The following XPR1 variants were observed in gnomAD, a reference collection of about 807,000 sequenced individuals.
The protein encoded by XPR1 is solute carrier family 53 member 1.
Under a neutral mutation model 87.5 loss-of-function variants are expected in XPR1, and 28 were observed. The ratio of observed to expected loss-of-function variants is 0.32; its 90% CI spans 0.24 to 0.44. XPR1 has a LOEUF of 0.44. Ranked by LOEUF, XPR1 falls within the 20% of genes least tolerant of loss-of-function variation. XPR1 has a pLI of 1.00. For synonymous variants in XPR1, 300 were observed against 306.1 expected (o/e 0.98, Z 0.21); for missense variants, 559 against 862.3 (o/e 0.65, Z 4.41).
intron 2 of XPR1, among the ~76,000 whole-genome samples, chr1:180,745,229 T>TC (rs1659053137): frequency 6.6e-6 from 1 of 152,160 alleles, no homozygotes. Flanking sequence ...CCTTTTCTGT[T>TC]CTCTGGTCAG....
intron 8 of XPR1, 29 bp from the exon 9 acceptor site, chr1:180,825,136 A>G (rs1382351113): frequency 6.4e-7 from 1 of 1,565,054 alleles, no homozygotes; most frequent in Non-Finnish European, 8.6e-7. Flanking sequence ...ATTTTTCTCT[A>G]TCTTTCTGTC....
intron 2 of XPR1, among the ~76,000 whole-genome samples, chr1:180,687,046 C>G (rs988252165): frequency 1.3e-5 from 2 of 152,012 alleles, no homozygotes; most frequent in African/African-American, 4.8e-5. Flanking sequence ...GTTGGGTTAT[C>G]TTTTATTTTA....
chr1:180,796,353 A>G (rs893025485), intron 3 of XPR1, among the ~76,000 whole-genome samples: 5 of 152,182 alleles, frequency 3.3e-5, no homozygotes, highest in Admixed American at 6.5e-5. Context: ...ATCTCATACC[A>G]TAGCTGTAGT....
At chr1:180,657,436 A>G (rs565205444) in intron 1 of XPR1, among the ~76,000 whole-genome samples, 63 of 151,932 alleles carry the variant, frequency 4.1e-4, no homozygotes, top group African/African-American at 1.4e-3. Context: ...TTTAGATTTA[A>G]GCCTTTAATC....
chr1:180,858,292 T>A (rs1652101647), intron 11 of XPR1, among the ~76,000 whole-genome samples: 1 of 152,150 alleles, frequency 6.6e-6, no homozygotes, highest in Non-Finnish European at 1.5e-5. Flanking sequence ...TAATAACAAT[T>A]ATTTTCCTCA....
At chr1:180,699,356 C>A (rs551607330) in intron 2 of XPR1, among the ~76,000 whole-genome samples, 1 of 107,268 alleles carries the variant, frequency 9.3e-6, no homozygotes, top group African/African-American at 3.6e-5. Context: ...CAATGCTATC[C>A]CTCCCCCCTC....
At chr1:180,635,735 C>T (rs367570645) in intron 1 of XPR1, among the ~76,000 whole-genome samples, 4 of 152,014 alleles carry the variant, frequency 2.6e-5, no homozygotes, top group African/African-American at 4.8e-5. Flanking sequence ...ATTGAGAGTC[C>T]GGTCACACTG....
At position 180,825,435 on chromosome 1, in the gene XPR1, C is replaced by T; in HGVS notation, c.1134+91C>T. 3 of 1,305,508 alleles carry T rather than the reference C, an allele frequency of 2.3e-6. No homozygotes were observed. The South Asian group carries it at 4.7e-5, about 20-fold the overall frequency. 80.9% of individuals were successfully genotyped at this position (1,305,508 alleles called of 1,614,324 possible). A position where few individuals can be genotyped will look rare whatever the true frequency, so the allele number is the denominator to read the frequency against. On this transcript the variant is annotated intron_variant, in intron 9 of 14. Transcript: ENST00000367590. ...AAACCAAGGCTGCTAGGTTGTACAA[C>T]TGCAGAGGCCGTGGTTCACATTATA...
chr1:180,665,703 T>C (rs895178056), intron 1 of XPR1, among the ~76,000 whole-genome samples: 1 of 152,176 alleles, frequency 6.6e-6, no homozygotes, highest in African/African-American at 2.4e-5. Flanking sequence ...AGATTCTCTC[T>C]CTGTGCCACA....
intron 11 of XPR1, among the ~76,000 whole-genome samples, chr1:180,841,963 G>C (rs977924453): frequency 6.6e-6 from 1 of 152,032 alleles, no homozygotes; most frequent in African/African-American, 2.4e-5. Flanking sequence ...AAGAACATGG[G>C]AAATGGGAAA....
chr1:180,801,670 T>A (rs1316180348), intron 3 of XPR1, among the ~76,000 whole-genome samples: 6 of 152,118 alleles, frequency 3.9e-5, no homozygotes, highest in African/African-American at 1.4e-4. Context: ...CAAGACAGTA[T>A]AGCAGTAGAT....
At chr1:180,823,002 G>A (rs577306244) in intron 7 of XPR1, among the ~76,000 whole-genome samples, 5 of 152,268 alleles carry the variant, frequency 3.3e-5, no homozygotes, top group South Asian at 2.1e-4. Context: ...CACTTTGGGA[G>A]GCCGAGGAGG....
intron 2 of XPR1, among the ~76,000 whole-genome samples, chr1:180,704,245 G>GATAAATATATATAT (rs1553238722): frequency 3.0e-5 from 2 of 66,054 alleles, no homozygotes; most frequent in African/African-American, 1.1e-4. Context: ...ATAGGTGCTG[G>GATAAATATATATAT]ATATATATAT....
At chr1:180,876,439 C>A (rs774569559) in intron 13 of XPR1, among the ~76,000 whole-genome samples, 26 of 152,046 alleles carry the variant, frequency 1.7e-4, no homozygotes, top group Non-Finnish European at 8.8e-5. Flanking sequence ...AGTTCAAGAC[C>A]AGCCTGGCCA....
intron 1 of XPR1, among the ~76,000 whole-genome samples, chr1:180,641,281 A>T (rs572001075): frequency 6.6e-6 from 1 of 152,322 alleles, no homozygotes; most frequent in East Asian, 1.9e-4. Flanking sequence ...AACAGCAATA[A>T]ATTTCCTATT....
At chr1:180,672,408 T>A (rs1285315702) in intron 1 of XPR1, among the ~76,000 whole-genome samples, 1 of 152,194 alleles carries the variant, frequency 6.6e-6, no homozygotes, top group Non-Finnish European at 1.5e-5. Flanking sequence ...GTAAGAGTTT[T>A]TCTTGGCTTT....
intron 2 of XPR1, among the ~76,000 whole-genome samples, chr1:180,743,190 C>T (rs955125449): frequency 6.7e-6 from 1 of 148,914 alleles, no homozygotes. Flanking sequence ...TTTTGCTTTT[C>T]CATATGTTTT....
At position 180,695,440 on chromosome 1, in the gene XPR1, GTA is replaced by G. The variant is rs1557961218; in HGVS notation, c.121+13031_121+13032del. Reference sequence around the variant, plus strand: ...TGTGTGTGTGTGTGTGTGTGTGTGTGTATGCGCGCGCACGCGCGCGCTTTTGT... The same window carrying G: ...TGTGTGTGTGTGTGTGTGTGTGTGTGTGCGCGCGCACGCGCGCGCTTTTGT... On this transcript the variant is annotated intron_variant, in intron 2 of 14. Coordinates refer to ENST00000367590, the MANE Select transcript of XPR1 (RefSeq NM_004736.4). 2.1e-4 allele frequency among the ~76,000 whole-genome samples: 32 copies of G among 150,606 alleles called. No homozygotes were observed. In the East Asian group the frequency reaches 5.4e-3, roughly 26 times the overall value.
chr1:180,725,578 T>A (rs1004035514), intron 2 of XPR1, among the ~76,000 whole-genome samples: 1 of 152,202 alleles, frequency 6.6e-6, no homozygotes, highest in Non-Finnish European at 1.5e-5. Flanking sequence ...ATAAGCTAAT[T>A]AAAGAGAAAC....
Sources: gnomAD v4.1 joint callset for allele counts (sites outside exome capture counted in the v4.1 genomes callset) on GRCh38, gnomAD v4.1.1 for gene constraint, MANE v1.5 for transcripts, NCBI Gene and HGNC (gene_info 2026-07-23, HGNC 2026-07-21) for gene names.